ASNSD1: variants seen among roughly 807,000 people sequenced by gnomAD.
ASNSD1 encodes asparagine synthetase domain-containing protein 1.
In ASNSD1, 36 loss-of-function variants were observed where a neutral mutation model predicts 48.3. The observed-to-expected ratio is 0.75, with a 90% CI of 0.57 to 0.99. ASNSD1 has a LOEUF of 0.99. ASNSD1 is among the 50% of genes least tolerant of loss of function. ASNSD1 has a pLI of 0.00. For synonymous variants in ASNSD1, 257 were observed against 262.1 expected (o/e 0.98, Z 0.19); for missense variants, 714 against 758.2 (o/e 0.94, Z 0.69).
intron 5 of ASNSD1, among the ~76,000 whole-genome samples, chr2:189,668,582 A>G (rs936878035): frequency 6.6e-6 from 1 of 152,200 alleles, no homozygotes; most frequent in Non-Finnish European, 1.5e-5. Flanking sequence ...TTCAGCTTTT[A>G]ATGTTTGCTT....
chr2:189,661,590 AAGGAG>A lies in ASNSD1; in HGVS notation c.-242_-238del, dbSNP rs2032665557. ...CCCCACCGACAATTCGACCCCACAC[AAGGAG>A]GATCTAAGCAGCAAGGTGAGTGTGA... On this transcript the variant is annotated 5_prime_UTR_variant, in exon 1 of 6. The change creates a premature stop within an existing upstream ORF in the 5' untranslated region. Coordinates refer to ENST00000260952, the MANE Select transcript of ASNSD1 (RefSeq NM_019048.4). 1 of 399,080 alleles carries A rather than the reference AAGGAG, an allele frequency of 2.5e-6. No homozygotes were observed. Among genetic ancestry groups the A allele is most frequent in the Non-Finnish European group, 4.4e-6 (1 of 226,252 alleles). The allele number at this position is 399,080 out of a possible 1,614,324, so 24.7% of individuals were successfully genotyped here. A position where few individuals can be genotyped will look rare whatever the true frequency, so the allele number is the denominator to read the frequency against.
At position 189,667,591 on chromosome 2, in the gene ASNSD1, G is replaced by T. The variant is rs753635084; in HGVS notation, c.1459G>T (p.Ala487Ser). The change falls in exon 4 of 6, where the codon GCA becomes TCA. Residue 487 changes from alanine to serine, a missense_variant. Physicochemically the swap from Ala to Ser is moderately conservative, Grantham distance 99. Coordinates refer to ENST00000260952, the MANE Select transcript of ASNSD1 (RefSeq NM_019048.4). ...QEGVKSYQSN[A>S]KVVLTGIGAD... ...AGGAGTGAAATCCTATCAGAGCAAT[G>T]CAAAGGTATGACACAGTGTTTCTTC... The T allele has an allele frequency of 6.2e-7, 1 of 1,602,028 alleles. No individual in the cohort carries two copies. Among genetic ancestry groups the T allele is most frequent in the Non-Finnish European group, 8.5e-7 (1 of 1,174,170 alleles).
At chr2:189,665,610 A>ATATATATATG (rs2032776269) in intron 3 of ASNSD1, among the ~76,000 whole-genome samples, 159 bp downstream of exon 3, 1 of 20,230 alleles carries the variant, frequency 4.9e-5, no homozygotes, top group African/African-American at 8.6e-5. Context: ...ATATATATAT[A>ATATATATATG]TATATATATA....
intron 1 of ASNSD1, among the ~76,000 whole-genome samples, chr2:189,663,573 T>G (rs955500237): frequency 6.6e-6 from 1 of 152,240 alleles, no homozygotes. Flanking sequence ...CATATATTTT[T>G]AACAAAAGGT....
At chr2:189,668,341 C>T (rs931670209) in intron 5 of ASNSD1, among the ~76,000 whole-genome samples, 1 of 65,278 alleles carries the variant, frequency 1.5e-5, no homozygotes, top group Non-Finnish European at 3.0e-5. Context: ...ATGATGAAAC[C>T]CCACTTCTAC....
Position 189,666,435 on chromosome 2 carries a change from C to G in ASNSD1, c.303C>G (p.Ser101=). Residue 101 remains serine, a synonymous_variant, in exon 4 of 6, where the codon TCC becomes TCG. Coordinates refer to ENST00000260952, the MANE Select transcript of ASNSD1 (RefSeq NM_019048.4). ...DTQILFNYLS[S]CKNESEILSL... is the part of the protein sequence containing the mutation. Reference sequence around the variant, plus strand: ...AAATTTTGTTTAATTATCTTTCCTCCTGTAAGAATGAATCTGAGATTTTGT... The same window carrying G: ...AAATTTTGTTTAATTATCTTTCCTCGTGTAAGAATGAATCTGAGATTTTGT... The G allele has an allele frequency of 6.2e-7, 1 of 1,613,822 alleles. No individual in the cohort carries two copies. The highest frequency in any genetic ancestry group is 8.5e-7 in the Non-Finnish European group (1 of 1,179,910).
chr2:189,667,016 A>G lies in ASNSD1; in HGVS notation c.884A>G (p.Lys295Arg). Residue 295 changes from lysine (K) to arginine (R), a missense_variant, in exon 4 of 6, where the codon AAG becomes AGG. By Grantham distance (26) the Lys-to-Arg change is conservative (BLOSUM62 2). Coordinates refer to ENST00000260952, the MANE Select transcript of ASNSD1 (RefSeq NM_019048.4). ...ATTGATGTCCTGAGTGTAGCAGTCA[A>G]GAAACGTGTCTTGTGTTTACCTAGG... Reference protein sequence around the residue: ...QFIDVLSVAVKKRVLCLPRDE... With the variant: ...QFIDVLSVAVRKRVLCLPRDE... 1 of 1,614,122 alleles carries G rather than the reference A, an allele frequency of 6.2e-7. No individual in the cohort carries two copies.
intron 5 of ASNSD1, among the ~76,000 whole-genome samples, chr2:189,669,387 A>G (rs62183656): frequency 0.11 from 17,408 of 152,296 alleles, 1,174 homozygotes; most frequent in Middle Eastern, 0.17. Context: ...TTATGAAAGT[A>G]TTATATTATG....
intron 1 of ASNSD1, among the ~76,000 whole-genome samples, chr2:189,663,258 T>C (rs1305320412): frequency 6.6e-6 from 1 of 151,844 alleles, no homozygotes; most frequent in East Asian, 1.9e-4. Context: ...ATTATTTATT[T>C]ATTTATTTTT....
intron 5 of ASNSD1, among the ~76,000 whole-genome samples, chr2:189,669,149 A>C (rs2032873781): frequency 6.6e-6 from 1 of 152,030 alleles, no homozygotes; most frequent in Non-Finnish European, 1.5e-5. Context: ...GCCTTTACAC[A>C]GTTGTCTTTC....
rs1424816759 is a variant in ASNSD1 at position 189,667,613 on chromosome 2, C to T, written c.1464+17C>T. 6.4e-7 allele frequency: 1 copy of T among 1,568,932 alleles called. No individual in the cohort carries two copies. Among genetic ancestry groups the T allele is most frequent in the Non-Finnish European group, 8.6e-7 (1 of 1,160,104 alleles). On this transcript the variant is annotated intron_variant, in intron 4 of 5. Transcript: ENST00000260952. ...AATGCAAAGGTATGACACAGTGTTT[C>T]TTCTCCTGAGAATTCCTGAGACCTA... is the stretch of plus-strand genomic sequence containing the variant.
rs1345657572 is a variant in ASNSD1 at position 189,666,899 on chromosome 2, A to G, written c.767A>G (p.His256Arg). Residue 256 changes from histidine (H) to arginine (R), a missense_variant, in exon 4 of 6, where the codon CAT becomes CGT. Physicochemically the swap from His to Arg is conservative, Grantham distance 29. Coordinates refer to ENST00000260952, the MANE Select transcript of ASNSD1 (RefSeq NM_019048.4). ...TTGCCACAAGCTGCATTGGAGACTCATTGCAGTAATATTTCCAATGTGCCA... is the reference window on the plus strand; with the variant it reads ...TTGCCACAAGCTGCATTGGAGACTCGTTGCAGTAATATTTCCAATGTGCCA... ...MMLPQAALET[H>R]CSNISNVPPT... 1.2e-6 allele frequency: 2 copies of G among 1,613,968 alleles called. No individual in the cohort carries two copies. The highest frequency in any genetic ancestry group is 1.7e-6 in the Non-Finnish European group (2 of 1,180,014).
At chr2:189,665,113 A>G (rs2032756104) in intron 2 of ASNSD1, among the ~76,000 whole-genome samples, 1 of 152,202 alleles carries the variant, frequency 6.6e-6, no homozygotes, top group Admixed American at 6.5e-5. Flanking sequence ...TATTCTCAAT[A>G]TATTGCTCAT....
intron 4 of ASNSD1, 52 bp from the exon 5 acceptor site, chr2:189,667,707 ATTTTC>A (rs1377126482): frequency 1.9e-6 from 3 of 1,546,436 alleles, no homozygotes; most frequent in South Asian, 1.2e-5. Flanking sequence ...CATTTATCTT[ATTTTC>A]TTTACTGTGT....
chr2:189,663,290 G>A (rs1368955566), intron 1 of ASNSD1, among the ~76,000 whole-genome samples: 1 of 151,330 alleles, frequency 6.6e-6, no homozygotes, highest in African/African-American at 2.4e-5. Context: ...TTTCACTCTT[G>A]TTGCCCAGGC....
Position 189,667,558 on chromosome 2 carries a change from G to A in ASNSD1, c.1426G>A (p.Ala476Thr). 3 of 1,613,064 alleles carry A rather than the reference G, an allele frequency of 1.9e-6. No individual in the cohort carries two copies. The highest frequency in any genetic ancestry group is 2.5e-6 in the Non-Finnish European group (3 of 1,179,452). Reference sequence around the variant, plus strand: ...TTCTAGAGGAATTGGTTGGTTAGTGGCCCAGGAAGGAGTGAAATCCTATCA... The same window carrying A: ...TTCTAGAGGAATTGGTTGGTTAGTGACCCAGGAAGGAGTGAAATCCTATCA... Reference protein sequence around the residue: ...FASRGIGWLVAQEGVKSYQSN... With the variant: ...FASRGIGWLVTQEGVKSYQSN... Residue 476 changes from alanine (A) to threonine (T), a missense_variant, in exon 4 of 6, where the codon GCC becomes ACC. Coordinates refer to ENST00000260952, the MANE Select transcript of ASNSD1 (RefSeq NM_019048.4).
chr2:189,669,175 T>A (rs1402512151), intron 5 of ASNSD1, among the ~76,000 whole-genome samples: 8 of 152,256 alleles, frequency 5.3e-5, no homozygotes, highest in Non-Finnish European at 7.3e-5. Context: ...TTTCTGGTCC[T>A]AGCCCATGTA....
chr2:189,670,533 A>C lies in ASNSD1; in HGVS notation c.1739A>C (p.Glu580Ala). ...ANLTLPRGIG[E>A]KLLLRLAAVE... is the part of the protein sequence containing the mutation. ...TTGACTTTACCCCGAGGAATTGGTG[A>C]AAAATTACTTTTACGCCTTGCAGCT... The change falls in exon 6 of 6, where the codon GAA becomes GCA. Residue 580 changes from glutamate (E) to alanine (A), a missense_variant. Physicochemically the swap from Glu to Ala is moderately radical, Grantham distance 107. Coordinates refer to ENST00000260952, the MANE Select transcript of ASNSD1 (RefSeq NM_019048.4). 1 of 1,614,144 alleles carries C rather than the reference A, an allele frequency of 6.2e-7. No individual in the cohort carries two copies. Among genetic ancestry groups the C allele is most frequent in the Non-Finnish European group, 8.5e-7 (1 of 1,179,986 alleles).
chr2:189,668,401 C>T (rs2032858477), intron 5 of ASNSD1, among the ~76,000 whole-genome samples: 1 of 152,190 alleles, frequency 6.6e-6, no homozygotes. Flanking sequence ...CCTGTAGTTC[C>T]AGCTACTCGG....
Sources: gnomAD v4.1 joint callset for allele counts (sites outside exome capture counted in the v4.1 genomes callset) on GRCh38, gnomAD v4.1.1 for gene constraint, MANE v1.5 for transcripts, NCBI Gene and HGNC (gene_info 2026-07-23, HGNC 2026-07-21) for gene names.